NKAIN2: variants seen among roughly 807,000 people sequenced by gnomAD.
NKAIN2 encodes the protein sodium/potassium-transporting ATPase subunit beta-1-interacting protein 2.
A neutral mutation model predicts 32.6 loss-of-function variants in NKAIN2; 14 were observed. The ratio of observed to expected loss-of-function variants is 0.43; its 90% CI spans 0.28 to 0.67. The LOEUF is 0.67. Ranked by LOEUF, NKAIN2 falls within the 30% of genes least tolerant of loss-of-function variation. The pLI, the probability that NKAIN2 is intolerant of heterozygous loss-of-function variation, is 0.17. For synonymous variants in NKAIN2, 80 were observed against 87.2 expected, an observed-to-expected ratio of 0.92 and a Z score of 0.46; for missense variants, 198 against 258.3, an observed-to-expected ratio of 0.77 and a Z score of 1.60.
chr6:124,369,880 A>ATTTTTTTTTTTTTT (rs61588781), intron 3 of NKAIN2, among the ~76,000 whole-genome samples: 14,071 of 81,664 alleles, frequency 0.17, 2,326 homozygotes, highest in Non-Finnish European at 0.2. Flanking sequence ...CAGAATGTCA[A>ATTTTTTTTTTTTTT]TTTTTTTTTT....
intron 1 of NKAIN2, among the ~76,000 whole-genome samples, chr6:124,051,160 A>G (rs1169867647): frequency 2.6e-5 from 4 of 152,068 alleles, no homozygotes; most frequent in Admixed American, 2.6e-4. Flanking sequence ...TATTTTAATG[A>G]TAGTCATGGT....
chr6:124,068,635 C>A (rs1783300608), intron 1 of NKAIN2, among the ~76,000 whole-genome samples: 1 of 151,848 alleles, frequency 6.6e-6, no homozygotes. Context: ...CCGTGGCTAG[C>A]AGAGCAAGTA....
At chr6:124,475,892 T>G (rs1424871405) in intron 3 of NKAIN2, among the ~76,000 whole-genome samples, 5 of 152,184 alleles carry the variant, frequency 3.3e-5, no homozygotes, top group African/African-American at 1.2e-4. Flanking sequence ...TTTGAAAAAC[T>G]TAAAGCGCTG....
intron 1 of NKAIN2, among the ~76,000 whole-genome samples, chr6:123,890,038 C>T (rs891127348): frequency 1.3e-5 from 2 of 151,916 alleles, no homozygotes; most frequent in Non-Finnish European, 2.9e-5. Context: ...CTTTGGTTCA[C>T]CTCATTTTCT....
intron 1 of NKAIN2, among the ~76,000 whole-genome samples, chr6:124,107,796 G>A (rs1380616110): frequency 6.6e-6 from 1 of 151,936 alleles, no homozygotes; most frequent in African/African-American, 2.4e-5. Flanking sequence ...GCCCTTTTCT[G>A]CCTGGCTTAT....
At chr6:124,109,079 T>C (rs1785248402) in intron 1 of NKAIN2, among the ~76,000 whole-genome samples, 1 of 152,034 alleles carries the variant, frequency 6.6e-6, no homozygotes, top group Non-Finnish European at 1.5e-5. Flanking sequence ...TTATATTTCC[T>C]ATTTCTGTAA....
At chr6:124,153,339 T>TATGAATTCTATGA (rs1787825606) in intron 1 of NKAIN2, among the ~76,000 whole-genome samples, 1 of 151,794 alleles carries the variant, frequency 6.6e-6, no homozygotes, top group Admixed American at 6.6e-5. Context: ...TTTGAGTTTC[T>TATGAATTCTATGA]ACATCAATTT....
chr6:123,982,762 GAATA>G (rs2114668862), intron 1 of NKAIN2, among the ~76,000 whole-genome samples: 1 of 152,078 alleles, frequency 6.6e-6, no homozygotes, highest in African/African-American at 2.4e-5. Context: ...AGATGAGAAT[GAATA>G]GTGAACAGGT....
chr6:124,129,310 T>A (rs163291), intron 1 of NKAIN2, among the ~76,000 whole-genome samples: 100,001 of 152,060 alleles, frequency 0.66, 33,028 homozygotes, highest in East Asian at 0.77. Context: ...AAAATTGGTT[T>A]ATGTAACTGA....
At chr6:124,819,114 C>A in intron 6 of NKAIN2, 4 of 971,568 alleles carry the variant, frequency 4.1e-6, no homozygotes, top group Non-Finnish European at 4.9e-6. Flanking sequence ...CAACTGATAA[C>A]AAATTCTATA....
At chr6:124,188,201 T>C (rs1397256751) in intron 1 of NKAIN2, among the ~76,000 whole-genome samples, 3 of 152,312 alleles carry the variant, frequency 2.0e-5, no homozygotes, top group Admixed American at 6.5e-5. Context: ...ATATCATGAT[T>C]CAATCAGAGA....
chr6:124,590,318 T>C (rs1158799358), intron 3 of NKAIN2, among the ~76,000 whole-genome samples: 1 of 152,156 alleles, frequency 6.6e-6, no homozygotes, highest in Admixed American at 6.5e-5. Context: ...GTACTTTGGA[T>C]GAATGATGTG....
intron 2 of NKAIN2, among the ~76,000 whole-genome samples, chr6:124,348,511 T>G (rs1798553149): frequency 6.6e-6 from 1 of 152,338 alleles, no homozygotes; most frequent in South Asian, 2.1e-4. Flanking sequence ...CTGGCTGCTT[T>G]GTTTACCTAA....
chr6:124,754,198 A>AATAT (rs1777856191), intron 4 of NKAIN2, among the ~76,000 whole-genome samples: 1 of 152,092 alleles, frequency 6.6e-6, no homozygotes, highest in Non-Finnish European at 1.5e-5. Flanking sequence ...GTCATTTGCA[A>AATAT]TGACTTCAGC....
chr6:124,796,947 C>G (rs1780025154), intron 5 of NKAIN2, among the ~76,000 whole-genome samples: 1 of 152,042 alleles, frequency 6.6e-6, no homozygotes, highest in Non-Finnish European at 1.5e-5. Flanking sequence ...TTACACTATT[C>G]TGTAAAGAAA....
In NKAIN2 at chr6:124,400,482, G is replaced by A. The variant is rs528022046; in HGVS notation, c.273+45135G>A. Among the ~76,000 whole-genome samples the A allele has an allele frequency of 2.6e-5, 4 of 152,086 alleles. No individual in the cohort carries two copies. In the South Asian group the frequency reaches 8.3e-4, roughly 32 times the overall value. On this transcript the variant is annotated intron_variant, in intron 3 of 6. Coordinates refer to ENST00000368417, the MANE Select transcript of NKAIN2 (RefSeq NM_001040214.3). Reference sequence around the variant, plus strand: ...TTAATTTGTAAGGTTCTGTTACTTGGCTTGATATAGTCACAAGCAAAGAGA... The same window carrying A: ...TTAATTTGTAAGGTTCTGTTACTTGACTTGATATAGTCACAAGCAAAGAGA...
intron 1 of NKAIN2, among the ~76,000 whole-genome samples, chr6:123,934,632 T>C (rs1776417814): frequency 1.3e-5 from 2 of 152,190 alleles, no homozygotes; most frequent in African/African-American, 2.4e-5. Context: ...CTAAGAGTTA[T>C]GATAGTTCCT....
At chr6:123,820,358 A>G (rs1475267621) in intron 1 of NKAIN2, among the ~76,000 whole-genome samples, 1 of 152,264 alleles carries the variant, frequency 6.6e-6, no homozygotes, top group African/African-American at 2.4e-5. Flanking sequence ...GACAGAGAAG[A>G]AAATAAATTA....
intron 5 of NKAIN2, among the ~76,000 whole-genome samples, chr6:124,798,703 A>G (rs1461799086): frequency 6.6e-6 from 1 of 152,210 alleles, no homozygotes; most frequent in Non-Finnish European, 1.5e-5. Context: ...TACTGGGTTA[A>G]AAATGATGGA....
Sources: gnomAD v4.1 joint callset for allele counts (sites outside exome capture counted in the v4.1 genomes callset) on GRCh38, gnomAD v4.1.1 for gene constraint, MANE v1.5 for transcripts, NCBI Gene and HGNC (gene_info 2026-07-23, HGNC 2026-07-21) for gene names.